YTHDF2: variants seen among roughly 807,000 people sequenced by gnomAD.
The protein encoded by YTHDF2 is YTH N6-methyladenosine RNA binding protein F2, also known as YTH domain-containing family protein 2.
YTHDF2 carries 2 observed loss-of-function variants against 50.4 expected under a neutral mutation model. The observed-to-expected ratio is 0.04, with a 90% CI of 0.02 to 0.12. The LOEUF is 0.12. YTHDF2 is among the 10% of genes least tolerant of loss of function. YTHDF2 has a pLI of 1.00. For synonymous variants in YTHDF2, 217 were observed against 255.6 expected (o/e 0.85, Z 1.44); for missense variants, 483 against 722.6 (o/e 0.67, Z 3.80).
At chr1:28,744,012 T>G in intron 4 of YTHDF2, 26 bp downstream of exon 4, 1 of 1,516,910 alleles carries the variant, frequency 6.6e-7, no homozygotes, top group Non-Finnish European at 8.8e-7. Context: ...TTATTAAGAT[T>G]TTTAGGGAAG....
chr1:28,754,772 C>G (rs886406108), intron 4 of YTHDF2, among the ~76,000 whole-genome samples: 2 of 151,938 alleles, frequency 1.3e-5, no homozygotes, highest in African/African-American at 4.8e-5. Context: ...CCACTGCACT[C>G]CAGCCTGGGC....
chr1:28,753,398 A>AAAAAAAC (rs2087987724), intron 4 of YTHDF2, among the ~76,000 whole-genome samples: 1 of 108,862 alleles, frequency 9.2e-6, no homozygotes, highest in African/African-American at 3.7e-5. Context: ...AAAAAAAAAA[A>AAAAAAAC]TCAGCCAGGT....
At chr1:28,746,144 A>C (rs909567653) in intron 4 of YTHDF2, among the ~76,000 whole-genome samples, 3 of 152,154 alleles carry the variant, frequency 2.0e-5, no homozygotes, top group African/African-American at 7.2e-5. Context: ...CTGTTTCTAG[A>C]GGGACAAGTA....
At chr1:28,763,953 TTTTA>T (rs2088178768) in intron 4 of YTHDF2, among the ~76,000 whole-genome samples, 2 of 87,766 alleles carry the variant, frequency 2.3e-5, no homozygotes, top group South Asian at 2.8e-4. Flanking sequence ...AATTTATTTA[TTTTA>T]TTTTTTTTTG....
intron 4 of YTHDF2, among the ~76,000 whole-genome samples, chr1:28,766,058 C>T (rs1375289584): frequency 6.6e-6 from 1 of 152,152 alleles, no homozygotes; most frequent in South Asian, 2.1e-4. Context: ...AAGTTCTAGT[C>T]CACGAACATT....
intron 4 of YTHDF2, among the ~76,000 whole-genome samples, chr1:28,753,876 T>G (rs894846787): frequency 9.2e-5 from 14 of 151,954 alleles, no homozygotes; most frequent in South Asian, 2.1e-4. Flanking sequence ...CCAGCTAATT[T>G]TTGTATTTTT....
chr1:28,766,371 C>CTCCGA (rs2088216525), intron 4 of YTHDF2, among the ~76,000 whole-genome samples: 1 of 151,928 alleles, frequency 6.6e-6, no homozygotes, highest in African/African-American at 2.4e-5. Context: ...CCAGCTTCCG[C>CTCCGA]CTCCCAGAGT....
At chr1:28,757,520 G>A (rs2088051318) in intron 4 of YTHDF2, among the ~76,000 whole-genome samples, 1 of 152,092 alleles carries the variant, frequency 6.6e-6, no homozygotes, top group Admixed American at 6.6e-5. Flanking sequence ...TCAGAATTCC[G>A]ATTTTGCCTA....
intron 4 of YTHDF2, 95 bp from the exon 5 acceptor site, chr1:28,768,830 ATAAT>A (rs2124217799): frequency 1.1e-6 from 1 of 905,878 alleles, no homozygotes; most frequent in Non-Finnish European, 1.6e-6. Flanking sequence ...ATAATTCTAA[ATAAT>A]TAAATTTCTG....
intron 4 of YTHDF2, among the ~76,000 whole-genome samples, chr1:28,751,909 A>G (rs942374398): frequency 6.6e-6 from 1 of 152,266 alleles, no homozygotes; most frequent in South Asian, 2.1e-4. Context: ...ATAAGTAATA[A>G]TAGAATGATA....
Position 28,743,399 on chromosome 1 carries a change from G to C in YTHDF2, c.1129G>C (p.Gly377Arg). 6.2e-7 allele frequency: 1 copy of C among 1,614,158 alleles called. No individual in the cohort carries two copies. Among genetic ancestry groups the C allele is most frequent in the Non-Finnish European group, 8.5e-7 (1 of 1,180,034 alleles). The change falls in exon 4 of 5, where the codon GGT becomes CGT. Residue 377 changes from glycine to arginine, a missense_variant. This residue lies in a region of YTHDF2 where 385 missense variants were observed against 475.8 expected (regional missense o/e 0.81). Transcript: ENST00000373812. The surrounding 1 kb of genome is among the most constrained non-coding windows in gnomAD (Gnocchi z 6.9). ...DGNGVGQSQA[G>R]SGSTPSEPHP... Reference sequence around the variant, plus strand: ...TAATGGAGTAGGACAGTCTCAGGCTGGTTCTGGATCTACTCCTTCAGAACC... The same window carrying C: ...TAATGGAGTAGGACAGTCTCAGGCTCGTTCTGGATCTACTCCTTCAGAACC...
intron 4 of YTHDF2, among the ~76,000 whole-genome samples, chr1:28,749,755 GA>G (rs1257788632): frequency 1.8e-5 from 2 of 114,256 alleles, no homozygotes; most frequent in African/African-American, 6.8e-5. Flanking sequence ...TAATGAAATA[GA>G]AAAAAAAGGT....
Position 28,736,960 on chromosome 1 carries a change from C to A in YTHDF2, c.-161C>A. On this transcript the variant is annotated 5_prime_UTR_variant, in exon 1 of 5. Transcript: ENST00000373812. ...GGGCTAGAGCGTCGCCGAGTCGGAG[C>A]CGGAGCCTGAGCCGCGCGCTGTGTC... 1 of 844,610 alleles carries A rather than the reference C, an allele frequency of 1.2e-6. No homozygotes were observed. Among genetic ancestry groups the A allele is most frequent in the Non-Finnish European group, 1.8e-6 (1 of 553,430 alleles). 52.3% of individuals were successfully genotyped at this position (844,610 alleles called of 1,614,324 possible).
At chr1:28,736,684 C>G (rs1352112041), upstream of YTHDF2, 1 of 212,532 alleles carries the variant, frequency 4.7e-6, no homozygotes, top group Non-Finnish European at 9.6e-6. Context: ...CCCCCTAGGC[C>G]TTAATCCTGG....
At chr1:28,736,861 C>G (rs949958566), upstream of YTHDF2, 4 of 409,732 alleles carry the variant, frequency 9.8e-6, no homozygotes, top group South Asian at 1.4e-4. Context: ...CCCGCCTCCG[C>G]TGTTCGGCGC....
intron 4 of YTHDF2, among the ~76,000 whole-genome samples, chr1:28,746,732 C>A (rs2087867725): frequency 6.6e-6 from 1 of 151,818 alleles, no homozygotes; most frequent in African/African-American, 2.4e-5. Context: ...TGCACTCCAG[C>A]CTGGGCGATA....
intron 4 of YTHDF2, among the ~76,000 whole-genome samples, chr1:28,767,272 G>A (rs2124214510): frequency 6.6e-6 from 1 of 152,242 alleles, no homozygotes; most frequent in African/African-American, 2.4e-5. Flanking sequence ...ATGAGACAGT[G>A]CTGTAGTAAA....
chr1:28,763,986 G>A (rs2088179595), intron 4 of YTHDF2, among the ~76,000 whole-genome samples: 1 of 132,892 alleles, frequency 7.5e-6, no homozygotes, highest in Admixed American at 7.9e-5. Flanking sequence ...TTTCTCTCTT[G>A]TTGCCAAGGC....
At chr1:28,737,243 C>T in intron 1 of YTHDF2, 96 bp downstream of exon 1, 8 of 1,443,226 alleles carry the variant, frequency 5.5e-6, no homozygotes, top group Non-Finnish European at 7.4e-6. Flanking sequence ...CGAGCCGAGC[C>T]GAGGCGTCGT....
Sources: allele counts gnomAD v4.1 joint callset (sites outside exome capture counted in the v4.1 genomes callset), GRCh38; gene constraint gnomAD v4.1.1; regional missense constraint gnomAD v4.1.1; non-coding constraint Gnocchi (gnomAD v3.1); transcripts MANE v1.5; gene names NCBI Gene and HGNC (gene_info 2026-07-23, HGNC 2026-07-21).